The following DNAH12 variants were observed in gnomAD, a reference collection of about 807,000 sequenced individuals.
DNAH12 encodes the protein axonemal beta dynein heavy chain 12.
DNAH12 carries 285 observed loss-of-function variants against 371.5 expected under a neutral mutation model. That is an observed-to-expected ratio of 0.77 (90% CI 0.70 to 0.85). The LOEUF is 0.85. DNAH12 is among the 40% of genes least tolerant of loss of function. The pLI is 0.00. For missense variants in DNAH12, 3,611 were observed against 3,689.4 expected, an observed-to-expected ratio of 0.98 and a Z score of 0.55; for synonymous variants, 1,200 against 1,213.0, an observed-to-expected ratio of 0.99 and a Z score of 0.22.
rs1248753005 is a variant in DNAH12, at chr3:57,310,927, T to C, written c.10686A>G (p.Thr3562=). 2.1e-5 allele frequency: 32 copies of C among 1,550,216 alleles called. No individual in the cohort carries two copies. Among genetic ancestry groups the C allele is most frequent in the African/African-American group, 2.7e-5 (2 of 73,036 alleles). The change falls in exon 67 of 74, where the codon ACA becomes ACG. Residue 3562 remains threonine (T), a synonymous_variant. Transcript: ENST00000495027. ...QLQLFINEYD[T]IPFEAISYLT... ...GGTAAGATATAGCTTCAAATGGAAT[T>C]GTATCATATTCATTGATAAATAACT...
chr3:57,325,321 C>T (rs1259141627), intron 62 of DNAH12, among the ~76,000 whole-genome samples: 1 of 152,210 alleles, frequency 6.6e-6, no homozygotes, highest in African/African-American at 2.4e-5. Context: ...GGAGGCACCC[C>T]CAAGTAGGGG....
intron 60 of DNAH12, among the ~76,000 whole-genome samples, chr3:57,337,406 T>C (rs1358944148): frequency 6.6e-6 from 1 of 152,206 alleles, no homozygotes; most frequent in Admixed American, 6.5e-5. Flanking sequence ...ACGCCTGTAA[T>C]CCCAGCACTT....
At chr3:57,411,733 A>G (rs782553573) in intron 39 of DNAH12, among the ~76,000 whole-genome samples, 2 of 152,128 alleles carry the variant, frequency 1.3e-5, no homozygotes, top group Non-Finnish European at 2.9e-5. Context: ...GGAAAACAAT[A>G]TTATGAAGAT....
chr3:57,511,916 C>T (rs4681733), intron 4 of DNAH12, among the ~76,000 whole-genome samples: 92,598 of 151,706 alleles, frequency 0.61, 29,118 homozygotes, highest in South Asian at 0.68. Flanking sequence ...TAAGAACAAA[C>T]TCCAGGATTT....
At chr3:57,450,998 GC>G in intron 25 of DNAH12, among the ~76,000 whole-genome samples, 1 of 152,346 alleles carries the variant, frequency 6.6e-6, no homozygotes, top group East Asian at 1.9e-4. Flanking sequence ...AGACCCTGCT[GC>G]TTTGAAGTGG....
intron 7 of DNAH12, 51 bp from the exon 8 acceptor site, chr3:57,507,889 C>T (rs2067822923): frequency 4.7e-6 from 7 of 1,475,092 alleles, no homozygotes; most frequent in Non-Finnish European, 6.3e-6. Context: ...ACATATTGGT[C>T]TTAAAACACA....
At chr3:57,532,036 G>C (rs2068867680) in intron 2 of DNAH12, among the ~76,000 whole-genome samples, 1 of 151,270 alleles carries the variant, frequency 6.6e-6, no homozygotes, top group Non-Finnish European at 1.5e-5. Context: ...ATTCTTTTTT[G>C]TCTCCTTTAT....
chr3:57,421,498 A>G lies in DNAH12; in HGVS notation c.5562+20T>C. The G allele has an allele frequency of 6.4e-7, 1 of 1,550,804 alleles. No individual in the cohort carries two copies. The highest frequency in any genetic ancestry group is 8.7e-7 in the Non-Finnish European group (1 of 1,146,430). On this transcript the variant is annotated intron_variant, in intron 36 of 73. Coordinates refer to ENST00000495027, the MANE Select transcript of DNAH12 (RefSeq NM_001366028.2). ...AGCCTTTGTGTTTTATCTTACCATA[A>G]CAAGCTTTTTATGTCATACCTCATA...
At chr3:57,531,725 T>C (rs1385047304) in intron 2 of DNAH12, among the ~76,000 whole-genome samples, 1 of 137,786 alleles carries the variant, frequency 7.3e-6, no homozygotes, top group Non-Finnish European at 1.5e-5. Context: ...ATCACACCAC[T>C]GTACTCTAGC....
chr3:57,445,964 G>A (rs1291036932), intron 27 of DNAH12, 67 bp downstream of exon 27: 2 of 1,407,514 alleles, frequency 1.4e-6, no homozygotes, highest in East Asian at 5.6e-5. Context: ...CTCCAGCCTG[G>A]GCAATAGAGT....
chr3:57,305,222 T>C (rs1041418858), intron 69 of DNAH12, among the ~76,000 whole-genome samples: 2 of 152,092 alleles, frequency 1.3e-5, no homozygotes, highest in Non-Finnish European at 2.9e-5. Flanking sequence ...CTGTTCCCGA[T>C]GCGACTCATC....
At chr3:57,300,122 C>A (rs1185794395) in intron 70 of DNAH12, among the ~76,000 whole-genome samples, 1 of 152,140 alleles carries the variant, frequency 6.6e-6, no homozygotes, top group African/African-American at 2.4e-5. Context: ...TTGCAGATAG[C>A]CTCTTCTCTG....
intron 43 of DNAH12, among the ~76,000 whole-genome samples, chr3:57,398,380 A>G (rs947614962): frequency 2.0e-5 from 3 of 152,242 alleles, no homozygotes; most frequent in Non-Finnish European, 2.9e-5. Context: ...TTTTCAAGAA[A>G]TAATGACTGA....
At chr3:57,330,507 G>C (rs962746525) in intron 62 of DNAH12, among the ~76,000 whole-genome samples, 5 of 142,064 alleles carry the variant, frequency 3.5e-5, no homozygotes, top group East Asian at 4.3e-4. Context: ...GGTGGGAATC[G>C]AACAGTGAGA....
At chr3:57,469,131 T>C (rs1372884227) in intron 16 of DNAH12, among the ~76,000 whole-genome samples, 152 bp from the exon 17 acceptor site, 1 of 152,158 alleles carries the variant, frequency 6.6e-6, no homozygotes, top group East Asian at 1.9e-4. Flanking sequence ...GTAGAGCTGA[T>C]GGTAGAAAAG....
intron 62 of DNAH12, among the ~76,000 whole-genome samples, chr3:57,330,717 T>TAA (rs36091572): frequency 2.2e-5 from 3 of 133,854 alleles, no homozygotes; most frequent in Non-Finnish European, 3.3e-5. Flanking sequence ...GTATAATAAT[T>TAA]AAAAAAAAAA....
Position 57,342,428 on chromosome 3 carries a change from C to CAGG in DNAH12, c.9675-7491_9675-7489dup, listed in dbSNP as rs1183681497. Among the ~76,000 whole-genome samples, 96 of 134,066 alleles carry CAGG rather than the reference C, an allele frequency of 7.2e-4. 1 individual carries two copies. Among genetic ancestry groups the CAGG allele is most frequent in the African/African-American group, 2.7e-3 (96 of 35,402 alleles). The allele number at this position is 134,066 out of a possible 152,430, so 88.0% of individuals were successfully genotyped here. A position where few individuals can be genotyped will look rare whatever the true frequency, so the allele number is the denominator to read the frequency against. On this transcript the variant is annotated intron_variant, in intron 60 of 73. Transcript: ENST00000495027. ...GGCTGAGGCAGGTGGATCATGAGGT[C>CAGG]AGGAGTTCGAGACCAGCCTGGCCAA...
chr3:57,505,963 C>G (rs2067743830), intron 8 of DNAH12, among the ~76,000 whole-genome samples: 1 of 152,090 alleles, frequency 6.6e-6, no homozygotes, highest in Non-Finnish European at 1.5e-5. Flanking sequence ...CCAAGCTGGT[C>G]TTGAACTCCT....
At chr3:57,396,297 A>AC (rs1575542160) in intron 43 of DNAH12, among the ~76,000 whole-genome samples, 1 of 148,868 alleles carries the variant, frequency 6.7e-6, no homozygotes, top group East Asian at 1.9e-4. Flanking sequence ...AAACAAAAAA[A>AC]AAAAAAAAAA....
Sources: gnomAD v4.1 joint callset for allele counts (sites outside exome capture counted in the v4.1 genomes callset) on GRCh38, gnomAD v4.1.1 for gene constraint, MANE v1.5 for transcripts, NCBI Gene and HGNC (gene_info 2026-07-23, HGNC 2026-07-21) for gene names.